Variants in FMN2 observed in about 807,000 individuals in gnomAD.
FMN2 encodes the protein formin 2.
A neutral mutation model predicts 142.3 loss-of-function variants in FMN2; 51 were observed. That is an observed-to-expected ratio of 0.36 (90% confidence interval 0.29 to 0.45). The LOEUF (loss-of-function observed/expected upper bound fraction) is 0.45, where lower values mean the gene tolerates loss of function less well. Ranked by LOEUF, FMN2 falls within the 20% of genes least tolerant of loss-of-function variation. FMN2 has a pLI of 1.00. For missense variants in FMN2, 1,936 were observed against 2,122.8 expected (o/e 0.91, Z 1.73); for synonymous variants, 882 against 869.8 (o/e 1.01, Z -0.25).
intron 8 of FMN2, among the ~76,000 whole-genome samples, chr1:240,311,602 T>C (rs1035269476): frequency 3.3e-5 from 5 of 152,178 alleles, no homozygotes; most frequent in African/African-American, 1.2e-4. Context: ...ATAAACTTAA[T>C]AAAAAATCAG....
intron 6 of FMN2, among the ~76,000 whole-genome samples, chr1:240,242,861 C>T (rs1482075190): frequency 6.6e-6 from 1 of 152,174 alleles, no homozygotes; most frequent in East Asian, 1.9e-4. Flanking sequence ...TGTCACCTCA[C>T]CAATTAGCAA....
intron 2 of FMN2, among the ~76,000 whole-genome samples, chr1:240,125,726 C>T (rs1345260643): frequency 6.6e-6 from 1 of 152,196 alleles, no homozygotes; most frequent in Non-Finnish European, 1.5e-5. Flanking sequence ...CTTTCTCTCT[C>T]TCTTTTTTAA....
At chr1:240,427,194 GTT>G (rs148613479) in intron 15 of FMN2, among the ~76,000 whole-genome samples, 2 of 135,828 alleles carry the variant, frequency 1.5e-5, no homozygotes, top group Non-Finnish European at 3.2e-5. Flanking sequence ...TATATATATG[GTT>G]TTTTTTTTGT....
intron 13 of FMN2, among the ~76,000 whole-genome samples, chr1:240,352,722 A>G (rs73126251): frequency 3.3e-5 from 5 of 152,358 alleles, no homozygotes; most frequent in African/African-American, 1.2e-4. Context: ...CTTGTCTTCC[A>G]TATATTCAGT....
intron 2 of FMN2, chr1:240,144,885 C>CT: frequency 7.0e-7 from 1 of 1,431,588 alleles, no homozygotes. Context: ...GCCACTTCTC[C>CT]TGCCAGGTGC....
chr1:240,380,548 T>C lies in FMN2; in HGVS notation c.4859-11963T>C, dbSNP rs546009556. Reference sequence around the variant, plus strand: ...TAGTGGGAAAATATTTCCACTTTTTTCCCTTGGTCAATACCAAAACCTCTG... The same window carrying C: ...TAGTGGGAAAATATTTCCACTTTTTCCCCTTGGTCAATACCAAAACCTCTG... On this transcript the variant is annotated intron_variant, in intron 14 of 17. Coordinates refer to ENST00000319653, the MANE Select transcript of FMN2 (RefSeq NM_020066.5). Among the ~76,000 whole-genome samples the C allele has an allele frequency of 6.0e-4, 91 of 152,244 alleles. 1 individual carries two copies. Among genetic ancestry groups the C allele is most frequent in the Non-Finnish European group, 1.1e-3 (73 of 67,992 alleles).
intron 1 of FMN2, among the ~76,000 whole-genome samples, chr1:240,094,483 A>G (rs1196711596): frequency 6.6e-6 from 1 of 152,122 alleles, no homozygotes; most frequent in East Asian, 1.9e-4. Context: ...TCCCCTCCCT[A>G]GCATATGTTA....
intron 8 of FMN2, among the ~76,000 whole-genome samples, chr1:240,310,637 A>T (rs1288744185): frequency 6.6e-6 from 1 of 152,196 alleles, no homozygotes; most frequent in Admixed American, 6.5e-5. Flanking sequence ...TCAGAGAGTA[A>T]GATCTTTTCC....
Position 240,259,369 on chromosome 1 carries a change from A to G in FMN2, c.4153+1337A>G, listed in dbSNP as rs143282093. ...TGAAAATTTGCTTGCTTTAACATGC[A>G]ACGCTAGCAATAACATGGCATGAAA... On this transcript the variant is annotated intron_variant, in intron 7 of 17. Coordinates refer to ENST00000319653, the MANE Select transcript of FMN2 (RefSeq NM_020066.5). Among the ~76,000 whole-genome samples the G allele has an allele frequency of 3.1e-3, 466 of 152,320 alleles. 1 individual carries two copies. Among genetic ancestry groups the G allele is most frequent in the African/African-American group, 0.011 (453 of 41,566 alleles).
At chr1:240,135,827 A>C (rs1401962894) in intron 2 of FMN2, among the ~76,000 whole-genome samples, 1 of 151,710 alleles carries the variant, frequency 6.6e-6, no homozygotes, top group African/African-American at 2.4e-5. Flanking sequence ...CTACAGGTAC[A>C]TGCCACCATG....
chr1:240,354,743 G>A (rs1333906241), intron 13 of FMN2, among the ~76,000 whole-genome samples: 1 of 152,158 alleles, frequency 6.6e-6, no homozygotes. Context: ...GGACACTGTA[G>A]CTTTATAAAA....
At chr1:240,137,511 A>G (rs1484438807) in intron 2 of FMN2, among the ~76,000 whole-genome samples, 2 of 152,324 alleles carry the variant, frequency 1.3e-5, no homozygotes, top group East Asian at 3.9e-4. Context: ...CTCTATACTC[A>G]TGTAATACAT....
chr1:240,215,835 A>T (rs1666874313), intron 6 of FMN2, among the ~76,000 whole-genome samples: 1 of 151,934 alleles, frequency 6.6e-6, no homozygotes, highest in African/African-American at 2.4e-5. Flanking sequence ...CAGCCTCCCA[A>T]GTAGCTGGGA....
chr1:240,172,967 G>C (rs1471385527), intron 2 of FMN2, among the ~76,000 whole-genome samples: 2 of 150,594 alleles, frequency 1.3e-5, no homozygotes, highest in Non-Finnish European at 3.0e-5. Context: ...ATGGAGTCTT[G>C]CTCTGTCGTC....
At chr1:240,225,892 A>G (rs751403042) in intron 6 of FMN2, among the ~76,000 whole-genome samples, 5 of 152,196 alleles carry the variant, frequency 3.3e-5, no homozygotes, top group Non-Finnish European at 5.9e-5. Flanking sequence ...AGTTAAAAGT[A>G]CAATAACCAA....
At chr1:240,246,933 TCTC>T (rs751079153) in intron 6 of FMN2, among the ~76,000 whole-genome samples, 5 of 152,220 alleles carry the variant, frequency 3.3e-5, no homozygotes, top group African/African-American at 4.8e-5. Context: ...AAGAGTGTAC[TCTC>T]CTCTTCATTG....
At chr1:240,349,889 C>G (rs984956902) in intron 13 of FMN2, among the ~76,000 whole-genome samples, 1 of 151,584 alleles carries the variant, frequency 6.6e-6, no homozygotes, top group African/African-American at 2.4e-5. Flanking sequence ...GGAACTCTAT[C>G]TTTGTTCTGT....
intron 2 of FMN2, chr1:240,145,271 TCCCGCCGCTC>T: frequency 7.0e-7 from 1 of 1,430,208 alleles, no homozygotes; most frequent in East Asian, 2.4e-5. Flanking sequence ...GTCCCCGGCA[TCCCGCCGCTC>T]CTTGCCGCTT....
At chr1:240,329,652 G>A (rs3795679) in intron 10 of FMN2, among the ~76,000 whole-genome samples, 184 bp downstream of exon 10, 91 of 152,070 alleles carry the variant, frequency 6.0e-4, no homozygotes, top group African/African-American at 2.0e-3. Context: ...TCCGGCGGGC[G>A]CCCAGGGCTA....
Sources: gnomAD v4.1 joint callset for allele counts (sites outside exome capture counted in the v4.1 genomes callset) on GRCh38, gnomAD v4.1.1 for gene constraint, MANE v1.5 for transcripts, NCBI Gene and HGNC (gene_info 2026-07-23, HGNC 2026-07-21) for gene names.